DLGAP5: variants seen among roughly 807,000 people sequenced by gnomAD.
DLGAP5 encodes the protein disks large-associated protein 5.
DLGAP5 carries 90 observed loss-of-function variants against 99.6 expected under a neutral mutation model. That is an observed-to-expected ratio of 0.90 (90% CI 0.76 to 1.08). The LOEUF is 1.08. Ranked by LOEUF, DLGAP5 falls within the 50% of genes least tolerant of loss-of-function variation. The pLI is 0.00. For synonymous variants in DLGAP5, 311 were observed against 321.3 expected (o/e 0.97, Z 0.34); for missense variants, 1,036 against 983.5 (o/e 1.05, Z -0.71).
chr14:55,158,131 T>C (rs536510865), intron 14 of DLGAP5, among the ~76,000 whole-genome samples: 3 of 152,342 alleles, frequency 2.0e-5, no homozygotes, highest in Admixed American at 2.0e-4. Context: ...CTTTGCATTA[T>C]AAATTCTAAC....
At chr14:55,163,284 A>C (rs992371319) in intron 12 of DLGAP5, among the ~76,000 whole-genome samples, 1 of 152,268 alleles carries the variant, frequency 6.6e-6, no homozygotes, top group African/African-American at 2.4e-5. Flanking sequence ...CAAAATCTAC[A>C]TAAAGAATAT....
chr14:55,176,910 G>A (rs1329566542), intron 8 of DLGAP5, 152 bp downstream of exon 8: 23 of 549,470 alleles, frequency 4.2e-5, no homozygotes, highest in Admixed American at 3.7e-4. Flanking sequence ...CCCGGGTGGC[G>A]GAGCTTACAG....
Position 55,163,803 on chromosome 14 carries a change from G to A in DLGAP5, c.1549-728C>T, listed in dbSNP as rs376737280. 2.0e-5 allele frequency among the ~76,000 whole-genome samples: 3 copies of A among 152,290 alleles called. No individual in the cohort carries two copies. The South Asian group carries it at 6.2e-4, about 32-fold the overall frequency. On this transcript the variant is annotated intron_variant, in intron 12 of 18. Transcript: ENST00000247191. Reference sequence around the variant, plus strand: ...TGATGTTGAGCATCTTTTCATATGCGTATTTGCCATCTGTATATCTTCTAT... The same window carrying A: ...TGATGTTGAGCATCTTTTCATATGCATATTTGCCATCTGTATATCTTCTAT...
intron 7 of DLGAP5, among the ~76,000 whole-genome samples, chr14:55,179,004 G>A (rs1162759906): frequency 2.6e-5 from 4 of 152,054 alleles, no homozygotes; most frequent in Admixed American, 6.5e-5. Context: ...CCAAGATCGC[G>A]CCATTGCACT....
chr14:55,181,696 A>C (rs1883282682), intron 4 of DLGAP5, among the ~76,000 whole-genome samples: 1 of 152,190 alleles, frequency 6.6e-6, no homozygotes, highest in Admixed American at 6.5e-5. Flanking sequence ...TTCACTCAAA[A>C]GGCTTTCATC....
rs193254552 is a variant in DLGAP5 at position 55,149,847 on chromosome 14, C to T, written c.2418+952G>A. 1.8e-4 allele frequency among the ~76,000 whole-genome samples: 27 copies of T among 150,648 alleles called. No homozygotes were observed. The East Asian group carries it at 4.9e-3, about 27-fold the overall frequency. On this transcript the variant is annotated intron_variant, in intron 18 of 18. Transcript: ENST00000247191. ...GGGGCATCACCTGAGGTCAGAAGTT[C>T]GAGACCAGCCTGGCCAACATGGTGA...
At chr14:55,169,852 C>G (rs1443167055) in intron 11 of DLGAP5, among the ~76,000 whole-genome samples, 1 of 149,112 alleles carries the variant, frequency 6.7e-6, no homozygotes, top group Admixed American at 6.7e-5. Context: ...GTGGCTCATG[C>G]CTGCGGGCGC....
At chr14:55,150,679 T>G in intron 18 of DLGAP5, 120 bp downstream of exon 18, 1 of 700,088 alleles carries the variant, frequency 1.4e-6, no homozygotes. Context: ...AAATGAAGAG[T>G]GAGTAAGCAA....
At position 55,154,600 on chromosome 14, in the gene DLGAP5, A is replaced by G. The variant is rs142950079; in HGVS notation, c.2063+17T>C. 435 of 1,602,890 alleles carry G rather than the reference A, an allele frequency of 2.7e-4. 1 individual carries two copies. In the African/African-American group the frequency reaches 3.8e-3, roughly 14 times the overall value. ...ATCAGCAACTGTTAAACTCTTATTA[A>G]CATGTTAAAGAAATACCTGCTTTCA... On this transcript the variant is annotated intron_variant, in intron 15 of 18. Coordinates refer to ENST00000247191, the MANE Select transcript of DLGAP5 (RefSeq NM_014750.5).
chr14:55,179,732 A>C, intron 6 of DLGAP5, 33 bp from the exon 7 acceptor site: 1 of 1,546,198 alleles, frequency 6.5e-7, no homozygotes, highest in Non-Finnish European at 8.9e-7. Flanking sequence ...ATTTTACTAG[A>C]TAGAAATGCT....
chr14:55,151,555 T>C, intron 17 of DLGAP5, 140 bp downstream of exon 17: 1 of 928,012 alleles, frequency 1.1e-6, no homozygotes, highest in South Asian at 1.9e-5. Flanking sequence ...GGAATTGTTC[T>C]AATTCAGGGT....
chr14:55,184,834 C>T (rs950268891), intron 2 of DLGAP5, among the ~76,000 whole-genome samples: 1 of 152,200 alleles, frequency 6.6e-6, no homozygotes, highest in Non-Finnish European at 1.5e-5. Context: ...CTCTGGATGA[C>T]ATCTTGGCTG....
intron 14 of DLGAP5, among the ~76,000 whole-genome samples, chr14:55,157,498 T>C (rs2140307592): frequency 6.6e-6 from 1 of 152,280 alleles, no homozygotes; most frequent in South Asian, 2.1e-4. Flanking sequence ...AGGTTTACTT[T>C]GAAAAAACTT....
rs1326136589 is a variant in DLGAP5, at chr14:55,148,411, TC to T, written c.2480del (p.Arg827AsnfsTer9). On this transcript the variant is annotated frameshift_variant, in exon 19 of 19. Transcript: ENST00000247191. LOFTEE classifies it high-confidence loss of function. Reference protein sequence around the residue: ...QLERRHQEHARHISFGGNLIT... With the variant: ...QLERRHQEHAXHISFGGNLIT... ...TCAGGTTACCACCAAAAGAAATGTG[TC>T]TGGCATGTTCTTGATGTCTCCTCTC... 1.1e-5 allele frequency: 17 copies of T among 1,614,086 alleles called. No homozygotes were observed. In the African/African-American group the frequency reaches 2.3e-4, roughly 22 times the overall value.
intron 2 of DLGAP5, among the ~76,000 whole-genome samples, 160 bp from the exon 3 acceptor site, chr14:55,183,913 G>A (rs1883352281): frequency 6.6e-6 from 1 of 152,226 alleles, no homozygotes; most frequent in African/African-American, 2.4e-5. Context: ...AGCACTTTGG[G>A]AGGCTGAGGA....
intron 1 of DLGAP5, among the ~76,000 whole-genome samples, chr14:55,190,841 AT>A (rs1883591574): frequency 6.6e-6 from 1 of 152,226 alleles, no homozygotes; most frequent in Admixed American, 6.5e-5. Flanking sequence ...TTCGCTAAAG[AT>A]TGAAGAAAAA....
chr14:55,150,635 T>C, intron 18 of DLGAP5, 164 bp downstream of exon 18: 1 of 503,920 alleles, frequency 2.0e-6, no homozygotes, highest in African/African-American at 2.1e-5. Context: ...TATTTTAAAG[T>C]ATATAAACAC....
intron 3 of DLGAP5, among the ~76,000 whole-genome samples, chr14:55,182,735 A>AGCCT (rs1306725698): frequency 6.6e-6 from 1 of 152,148 alleles, no homozygotes; most frequent in African/African-American, 2.4e-5. Context: ...ACCAGTCCTC[A>AGCCT]GCCTGGTACC....
rs1183522849 is a variant in DLGAP5 at position 55,151,948 on chromosome 14, G to A, written c.2122-7C>T. The A allele has an allele frequency of 1.9e-6, 3 of 1,603,510 alleles. No individual in the cohort carries two copies. The highest frequency in any genetic ancestry group is 2.3e-5 in the South Asian group (2 of 88,884). ...AGTCTGTCTTATTTACAACCTGGAA[G>A]TAAAAATGGCATTATATTTAATTAT... On this transcript the variant is annotated splice_region_variant and splice_polypyrimidine_tract_variant and intron_variant, in intron 16 of 18. Transcript: ENST00000247191.
Sources: gnomAD v4.1 joint callset for allele counts (sites outside exome capture counted in the v4.1 genomes callset) on GRCh38, gnomAD v4.1.1 for gene constraint, MANE v1.5 for transcripts, NCBI Gene and HGNC (gene_info 2026-07-23, HGNC 2026-07-21) for gene names.